The following ANO2 variants were observed in gnomAD, a reference collection of about 807,000 sequenced individuals.
ANO2 encodes anoctamin 2.
ANO2 carries 101 observed loss-of-function variants against 124.2 expected under a neutral mutation model. The ratio of observed to expected loss-of-function variants is 0.81; its 90% CI spans 0.69 to 0.96. The LOEUF is 0.96. ANO2 is among the 40% of genes least tolerant of loss of function. ANO2 has a pLI of 0.00. For missense variants in ANO2, 1,293 were observed against 1,274.5 expected, an observed-to-expected ratio of 1.01 and a Z score of -0.22; for synonymous variants, 486 against 482.5, an observed-to-expected ratio of 1.01 and a Z score of -0.09.
chr12:5,873,202 T>TCC (rs1937834645), intron 3 of ANO2, among the ~76,000 whole-genome samples: 1 of 35,308 alleles, frequency 2.8e-5, no homozygotes, highest in African/African-American at 1.4e-4. Context: ...AGCAGCTCTC[T>TCC]CTCTCTCTCT....
At chr12:5,614,320 T>C (rs1944687403) in intron 17 of ANO2, among the ~76,000 whole-genome samples, 1 of 152,180 alleles carries the variant, frequency 6.6e-6, no homozygotes, top group Non-Finnish European at 1.5e-5. Context: ...TACCTAAATT[T>C]AGGCTAATGA....
intron 3 of ANO2, among the ~76,000 whole-genome samples, chr12:5,917,667 A>C (rs1208932134): frequency 6.7e-6 from 1 of 148,446 alleles, no homozygotes; most frequent in Non-Finnish European, 1.5e-5. Flanking sequence ...TCCAGAGTTC[A>C]GGCAATCCTC....
At chr12:5,742,527 T>C (rs1218844432) in intron 12 of ANO2, among the ~76,000 whole-genome samples, 1 of 152,042 alleles carries the variant, frequency 6.6e-6, no homozygotes, top group Non-Finnish European at 1.5e-5. Context: ...GAGGTAGCTG[T>C]TCATTACAGC....
chr12:5,931,431 C>A (rs1942377576), intron 1 of ANO2, among the ~76,000 whole-genome samples: 1 of 152,080 alleles, frequency 6.6e-6, no homozygotes, highest in Admixed American at 6.6e-5. Flanking sequence ...TAAAGCTAAA[C>A]AGAATGTGGC....
intron 10 of ANO2, among the ~76,000 whole-genome samples, chr12:5,756,741 CAGAG>C (rs1221752176): frequency 6.6e-6 from 1 of 152,164 alleles, no homozygotes; most frequent in Admixed American, 6.5e-5. Flanking sequence ...GCGCCACAGA[CAGAG>C]ATTCTGTTGA....
intron 10 of ANO2, among the ~76,000 whole-genome samples, chr12:5,779,600 G>A (rs1952326144): frequency 6.6e-6 from 1 of 152,256 alleles, no homozygotes; most frequent in South Asian, 2.1e-4. Context: ...AATTACAAAG[G>A]AAGACCAGTA....
At position 5,711,137 on chromosome 12, in the gene ANO2, G is replaced by A. The variant is rs865887526; in HGVS notation, c.1545+21383C>T. 1.0e-4 allele frequency among the ~76,000 whole-genome samples: 15 copies of A among 148,068 alleles called. 1 individual carries two copies. The highest frequency in any genetic ancestry group is 3.7e-4 in the African/African-American group (15 of 40,062). On this transcript the variant is annotated intron_variant, in intron 14 of 24. Transcript: ENST00000682330. ...CGCGCCACTGTACTCCAGCCTGGGC[G>A]ACAGAGCGAGACTCTGTCTCAAAAA...
chr12:5,727,502 T>C (rs1374452587), intron 14 of ANO2, among the ~76,000 whole-genome samples: 3 of 147,164 alleles, frequency 2.0e-5, no homozygotes, highest in Admixed American at 1.3e-4. Context: ...AGAGAGAGTT[T>C]TAAACAAACC....
Position 5,787,120 on chromosome 12 carries a change from G to T in ANO2, c.1055+12387C>A, listed in dbSNP as rs1284612423. 2.0e-5 allele frequency among the ~76,000 whole-genome samples: 3 copies of T among 152,066 alleles called. No homozygotes were observed. Among genetic ancestry groups the T allele is most frequent in the Admixed American group, 6.6e-5 (1 of 15,264 alleles). ...CTGGGCTCAGAGTCATGATGGCCAGGCTGCCCACAAGTCCTTCAGAAGGAC... is the reference window on the plus strand; with the variant it reads ...CTGGGCTCAGAGTCATGATGGCCAGTCTGCCCACAAGTCCTTCAGAAGGAC... On this transcript the variant is annotated intron_variant, in intron 10 of 24. Coordinates refer to ENST00000682330, the MANE Select transcript of ANO2 (RefSeq NM_001364791.2). This position sits in a 1 kb window ranked among gnomAD's most constrained non-coding sequence, Gnocchi z 4.2.
At chr12:5,847,861 T>C (rs1034615744) in intron 4 of ANO2, among the ~76,000 whole-genome samples, 1 of 152,254 alleles carries the variant, frequency 6.6e-6, no homozygotes, top group Non-Finnish European at 1.5e-5. Flanking sequence ...TTACATATGT[T>C]TTCTCTTCAG....
At chr12:5,927,793 A>ATGGC (rs909343875) in intron 1 of ANO2, among the ~76,000 whole-genome samples, 3 of 152,224 alleles carry the variant, frequency 2.0e-5, no homozygotes, top group Non-Finnish European at 2.9e-5. Flanking sequence ...TGAGAGGAAG[A>ATGGC]TGGCTGAGAG....
At chr12:5,812,396 G>T in intron 7 of ANO2, among the ~76,000 whole-genome samples, 1 of 143,426 alleles carries the variant, frequency 7.0e-6, no homozygotes, top group Non-Finnish European at 1.5e-5. Context: ...AGAAGGGAAG[G>T]AAGGAAGGAG....
rs145809862 is a variant in ANO2 at position 5,623,708 on chromosome 12, C to T, written c.1817-8411G>A. 4.5e-3 allele frequency among the ~76,000 whole-genome samples: 685 copies of T among 152,292 alleles called. 2 individuals are homozygous for T. The highest frequency in any genetic ancestry group is 8.4e-3 in the Admixed American group (128 of 15,306). ...AGCAGCTCCTCCTGACTGGTGTCTT[C>T]GACAGCCCAGCTGGCAAATGCATAA... On this transcript the variant is annotated intron_variant, in intron 16 of 24. Coordinates refer to ENST00000682330, the MANE Select transcript of ANO2 (RefSeq NM_001364791.2).
chr12:5,919,872 T>C (rs142366691), intron 3 of ANO2, among the ~76,000 whole-genome samples: 203 of 152,130 alleles, frequency 1.3e-3, no homozygotes, highest in Non-Finnish European at 2.0e-3. Context: ...TAATTTTTTG[T>C]GTATTTAGTA....
chr12:5,898,426 C>T (rs1489775570), intron 3 of ANO2, among the ~76,000 whole-genome samples: 1 of 152,140 alleles, frequency 6.6e-6, no homozygotes, highest in Non-Finnish European at 1.5e-5. Flanking sequence ...TACCAAAAGA[C>T]CTGTAAAAGA....
intron 12 of ANO2, 46 bp from the exon 13 acceptor site, chr12:5,739,445 G>A: frequency 1.3e-6 from 2 of 1,505,718 alleles, no homozygotes; most frequent in East Asian, 2.4e-5. Context: ...TTTTTGAAGA[G>A]TGGATTCTGT....
chr12:5,661,328 A>G (rs1947429409), intron 14 of ANO2, among the ~76,000 whole-genome samples: 1 of 152,190 alleles, frequency 6.6e-6, no homozygotes, highest in African/African-American at 2.4e-5. Flanking sequence ...GCATTTGTTT[A>G]AAGTTCTTGA....
chr12:5,900,579 C>A lies in ANO2; in HGVS notation c.534+20461G>T, dbSNP rs7486988. On this transcript the variant is annotated intron_variant, in intron 3 of 24. Transcript: ENST00000682330. This position sits in a 1 kb window ranked among gnomAD's most constrained non-coding sequence, Gnocchi z 4.2. ...AAATGGAAAACAACAACAACAACAA[C>A]AAAAAACTAAAGTGAACTCTCCCTT... Among the ~76,000 whole-genome samples the A allele has an allele frequency of 0.11, 16,337 of 145,192 alleles. 1,960 individuals are homozygous for A. The highest frequency in any genetic ancestry group is 0.31 in the African/African-American group (12,288 of 39,420).
chr12:5,944,451 C>T (rs951898387), intron 1 of ANO2, among the ~76,000 whole-genome samples: 1 of 152,202 alleles, frequency 6.6e-6, no homozygotes, highest in East Asian at 1.9e-4. Flanking sequence ...ATTGTTCATG[C>T]CAAAGGAGCG....
Sources: gnomAD v4.1 joint callset for allele counts (sites outside exome capture counted in the v4.1 genomes callset) on GRCh38, gnomAD v4.1.1 for gene constraint, Gnocchi (gnomAD v3.1) non-coding constraint, MANE v1.5 for transcripts, NCBI Gene and HGNC (gene_info 2026-07-23, HGNC 2026-07-21) for gene names.